AGMO: variants seen among roughly 807,000 people sequenced by gnomAD.
The protein encoded by AGMO is glyceryl-ether monooxygenase.
Under a neutral mutation model 60.2 loss-of-function variants are expected in AGMO, and 75 were observed. The ratio of observed to expected loss-of-function variants is 1.25; its 90% confidence interval spans 1.03 to 1.51. AGMO has a LOEUF of 1.51. AGMO is among the 40% of genes most tolerant of loss of function. The probability of loss-of-function intolerance (pLI) is 0.00; values close to 1 mark genes in which losing one functional copy is unlikely to be tolerated. For missense variants in AGMO, 763 were observed against 525.5 expected (o/e 1.45, Z -4.42); for synonymous variants, 261 against 177.1 (o/e 1.47, Z -3.76).
chr7:15,510,020 T>C (rs1305497109), intron 3 of AGMO, among the ~76,000 whole-genome samples: 1 of 152,158 alleles, frequency 6.6e-6, no homozygotes, highest in Non-Finnish European at 1.5e-5. Context: ...CTCAAAATAT[T>C]ACAGGTAGAA....
In AGMO at chr7:15,385,466, C is replaced by G; in HGVS notation, c.1054G>C (p.Glu352Gln). 2 of 1,598,334 alleles carry G rather than the reference C, an allele frequency of 1.3e-6. No homozygotes were observed. Among genetic ancestry groups the G allele is most frequent in the Non-Finnish European group, 1.7e-6 (2 of 1,166,118 alleles). Reference sequence around the variant, plus strand: ...CTTACAGCTGTATCTGCAAAGGTCTCTTCATAAAATGCCAACATCAGAGCA... The same window carrying G: ...CTTACAGCTGTATCTGCAAAGGTCTGTTCATAAAATGCCAACATCAGAGCA... ...QFALMLAFYE[E>Q]TFADTAALSQ... is the part of the protein sequence containing the mutation. Residue 352 changes from glutamate to glutamine, a missense_variant, in exon 10 of 13, where the codon GAG becomes CAG. Glu to Gln is a conservative substitution (Grantham distance 29). Coordinates refer to ENST00000342526, the MANE Select transcript of AGMO (RefSeq NM_001004320.2).
intron 3 of AGMO, among the ~76,000 whole-genome samples, chr7:15,478,331 C>CT (rs1428772435): frequency 3.9e-5 from 6 of 152,090 alleles, no homozygotes; most frequent in Non-Finnish European, 7.4e-5. Flanking sequence ...AAACTAAAGG[C>CT]TAAAGCTTGG....
At chr7:15,273,889 GA>G (rs2128515256) in intron 12 of AGMO, among the ~76,000 whole-genome samples, 1 of 152,284 alleles carries the variant, frequency 6.6e-6, no homozygotes, top group South Asian at 2.1e-4. Context: ...AAGCAATTGT[GA>G]ATGGGAGTTC....
Position 15,387,689 on chromosome 7 carries a change from T to C in AGMO, c.823-149A>G, listed in dbSNP as rs570594321. ...AGAGCAACAGAAATGTGTAATTGCATTCCATGCTGTAATCTATTCTATGCA... is the reference window on the plus strand; with the variant it reads ...AGAGCAACAGAAATGTGTAATTGCACTCCATGCTGTAATCTATTCTATGCA... On this transcript the variant is annotated intron_variant, in intron 8 of 12. Transcript: ENST00000342526. 79 of 661,766 alleles carry C rather than the reference T, an allele frequency of 1.2e-4. 1 individual carries two copies. In the South Asian group the frequency reaches 1.6e-3, roughly 13 times the overall value. The allele number at this position is 661,766 out of a possible 1,614,324, so 41.0% of individuals were successfully genotyped here.
intron 3 of AGMO, among the ~76,000 whole-genome samples, chr7:15,454,154 T>A (rs1340151777): frequency 6.6e-6 from 1 of 151,744 alleles, no homozygotes; most frequent in African/African-American, 2.4e-5. Flanking sequence ...AAAGTAAATA[T>A]ATGCTCATTG....
intron 12 of AGMO, among the ~76,000 whole-genome samples, chr7:15,357,408 G>A (rs190866811): frequency 6.6e-6 from 1 of 151,814 alleles, no homozygotes. Flanking sequence ...ACCGTGAGAT[G>A]AACCCAAGTA....
intron 12 of AGMO, among the ~76,000 whole-genome samples, chr7:15,322,457 A>AAT (rs1303190105): frequency 1.4e-4 from 11 of 77,384 alleles, no homozygotes; most frequent in East Asian, 4.2e-4. Flanking sequence ...TATATATATA[A>AAT]ATATATATAA....
chr7:15,387,608 T>C (rs1051842657), intron 8 of AGMO, 68 bp from the exon 9 acceptor site: 21 of 1,379,172 alleles, frequency 1.5e-5, no homozygotes, highest in Non-Finnish European at 1.9e-5. Context: ...CCAAAAGTTA[T>C]GTATATTATT....
At chr7:15,387,345 G>A in intron 9 of AGMO, 61 bp downstream of exon 9, 1 of 1,568,902 alleles carries the variant, frequency 6.4e-7, no homozygotes, top group South Asian at 1.2e-5. Context: ...GTACAGGCTG[G>A]CTGTAGACCT....
intron 10 of AGMO, among the ~76,000 whole-genome samples, chr7:15,381,284 A>G (rs1033712049): frequency 6.6e-6 from 1 of 152,222 alleles, no homozygotes; most frequent in South Asian, 2.1e-4. Context: ...TATGCATCCA[A>G]CAAAGGTATA....
intron 5 of AGMO, among the ~76,000 whole-genome samples, chr7:15,413,489 T>C (rs1004779468): frequency 6.6e-6 from 1 of 152,110 alleles, no homozygotes; most frequent in African/African-American, 2.4e-5. Flanking sequence ...AGCCCCAGAT[T>C]AATGTTTTTT....
intron 10 of AGMO, among the ~76,000 whole-genome samples, chr7:15,377,139 T>C (rs113680615): frequency 1.3e-5 from 2 of 152,224 alleles, no homozygotes; most frequent in African/African-American, 4.8e-5. Flanking sequence ...TTAATGTCTT[T>C]GTATGCTTTT....
At chr7:15,360,993 T>C (rs1782728928) in intron 12 of AGMO, among the ~76,000 whole-genome samples, 1 of 152,184 alleles carries the variant, frequency 6.6e-6, no homozygotes, top group Non-Finnish European at 1.5e-5. Context: ...TTCTTCACCT[T>C]AGTGATGCCA....
intron 3 of AGMO, among the ~76,000 whole-genome samples, chr7:15,434,633 G>A (rs1247143068): frequency 1.3e-5 from 2 of 152,090 alleles, no homozygotes; most frequent in Non-Finnish European, 2.9e-5. Context: ...AGAGAGTTTG[G>A]ATGCAGATCC....
the AGMO span, among the ~76,000 whole-genome samples, chr7:15,193,373 CT>C: frequency 6.6e-6 from 1 of 152,136 alleles, no homozygotes; most frequent in East Asian, 1.9e-4. Context: ...AGTAATTTGT[CT>C]TATTTATTAC....
chr7:15,118,173 AACACACACACACACACACAC>A, the AGMO span, among the ~76,000 whole-genome samples: 3 of 144,590 alleles, frequency 2.1e-5, no homozygotes, highest in East Asian at 4.0e-4. Context: ...ACTAAAGAGA[AACACACACACACACACACAC>A]ACACACACAC....
chr7:15,184,415 A>AGGAT, the AGMO span, among the ~76,000 whole-genome samples: 1 of 127,112 alleles, frequency 7.9e-6, no homozygotes, highest in Non-Finnish European at 1.7e-5. Flanking sequence ...AAGGGAAGGA[A>AGGAT]GGAAGGAAAA....
chr7:15,502,092 C>T (rs1379264953), intron 3 of AGMO, among the ~76,000 whole-genome samples: 6 of 152,020 alleles, frequency 3.9e-5, no homozygotes, highest in African/African-American at 7.2e-5. Context: ...CATTTGTCCT[C>T]TGTGGGCATT....
chr7:15,517,392 A>G (rs2128533568), intron 3 of AGMO, among the ~76,000 whole-genome samples: 1 of 151,498 alleles, frequency 6.6e-6, no homozygotes, highest in African/African-American at 2.4e-5. Flanking sequence ...TCGAATAGAA[A>G]CAGCTCTGGT....
Sources: gnomAD v4.1 joint callset for allele counts (sites outside exome capture counted in the v4.1 genomes callset) on GRCh38, gnomAD v4.1.1 for gene constraint, MANE v1.5 for transcripts, NCBI Gene and HGNC (gene_info 2026-07-23, HGNC 2026-07-21) for gene names.